The following AGTPBP1 variants were observed in gnomAD, a reference collection of about 807,000 sequenced individuals.
The protein encoded by AGTPBP1 is ATP/GTP binding carboxypeptidase 1, also known as cytosolic carboxypeptidase 1.
Under a neutral mutation model 143.9 loss-of-function variants are expected in AGTPBP1, and 70 were observed. The observed-to-expected ratio is 0.49, with a 90% CI of 0.40 to 0.59. AGTPBP1 has a LOEUF of 0.59. AGTPBP1 is among the 20% of genes least tolerant of loss of function. AGTPBP1 has a pLI of 0.00. For synonymous variants in AGTPBP1, 463 were observed against 500.2 expected, an observed-to-expected ratio of 0.93 and a Z score of 0.99; for missense variants, 1,229 against 1,464.5, an observed-to-expected ratio of 0.84 and a Z score of 2.62.
At chr9:85,725,441 G>C (rs948701486) in intron 1 of AGTPBP1, among the ~76,000 whole-genome samples, 1 of 152,198 alleles carries the variant, frequency 6.6e-6, no homozygotes, top group Non-Finnish European at 1.5e-5. Context: ...TTGAGATACA[G>C]TTGTCCTTGA....
intron 9 of AGTPBP1, among the ~76,000 whole-genome samples, chr9:85,659,527 A>T (rs908319370): frequency 6.6e-6 from 1 of 152,122 alleles, no homozygotes; most frequent in African/African-American, 2.4e-5. Flanking sequence ...TTGATGGAAT[A>T]AACATGTATG....
At chr9:85,745,573 C>T (rs1000549073), upstream of AGTPBP1, among the ~76,000 whole-genome samples, 13 of 152,162 alleles carry the variant, frequency 8.5e-5, no homozygotes, top group Non-Finnish European at 2.9e-5. Context: ...TAAATGAATG[C>T]GGCAAAACTG....
the AGTPBP1 span, among the ~76,000 whole-genome samples, chr9:85,800,923 C>T: frequency 1.3e-5 from 2 of 151,996 alleles, no homozygotes; most frequent in Admixed American, 1.3e-4. Flanking sequence ...TCCCAAGCTA[C>T]AGGTAATCTT....
chr9:85,754,915 A>G, the AGTPBP1 span, among the ~76,000 whole-genome samples: 1 of 151,514 alleles, frequency 6.6e-6, no homozygotes, highest in Non-Finnish European at 1.5e-5. Context: ...GAATGTTTGT[A>G]GAATATATTT....
In AGTPBP1 at chr9:85,575,399, A is replaced by G. The variant is rs779174808; in HGVS notation, c.3419T>C (p.Leu1140Pro). Reference sequence around the variant, plus strand: ...CAGATTATACTCCAATGGAGAGGTCAGTCTTTTCAAACGTAAAAGACCAAC... The same window carrying G: ...CAGATTATACTCCAATGGAGAGGTCGGTCTTTTCAAACGTAAAAGACCAAC... ...FCVGLLRLKR[L>P]TSPLEYNLPS... Residue 1140 changes from leucine to proline, a missense_variant, in exon 25 of 26, where the codon CTG becomes CCG. By Grantham distance (98) the Leu-to-Pro change is moderately conservative. This residue lies in a region of AGTPBP1 where 486 missense variants were observed against 652.3 expected (regional missense o/e 0.75). Coordinates refer to ENST00000357081, the MANE Select transcript of AGTPBP1 (RefSeq NM_001330701.2). 23 of 1,611,092 alleles carry G rather than the reference A, an allele frequency of 1.4e-5. No homozygotes were observed. The highest frequency in any genetic ancestry group is 2.0e-5 in the Non-Finnish European group (23 of 1,179,276).
At chr9:85,679,745 T>C (rs891592988) in intron 4 of AGTPBP1, among the ~76,000 whole-genome samples, 5 of 152,216 alleles carry the variant, frequency 3.3e-5, no homozygotes, top group Non-Finnish European at 7.3e-5. Flanking sequence ...AAAGAAATTA[T>C]GTAAGCCAAA....
At chr9:85,650,966 C>G (rs1025013394) in intron 11 of AGTPBP1, among the ~76,000 whole-genome samples, 3 of 152,186 alleles carry the variant, frequency 2.0e-5, no homozygotes, top group African/African-American at 7.2e-5. Context: ...TAAGGAATAA[C>G]ACATACATAT....
intron 1 of AGTPBP1, among the ~76,000 whole-genome samples, chr9:85,725,317 A>AT (rs201441836): frequency 6.6e-6 from 1 of 152,254 alleles, no homozygotes. Flanking sequence ...TAAAAAAAAA[A>AT]TTTTTTTAAC....
At chr9:85,695,945 G>A (rs1452012089) in intron 2 of AGTPBP1, among the ~76,000 whole-genome samples, 2 of 151,782 alleles carry the variant, frequency 1.3e-5, no homozygotes, top group Non-Finnish European at 2.9e-5. Flanking sequence ...AGGTTCAAGC[G>A]ATTCTCCTGC....
chr9:85,585,595 CT>C lies in AGTPBP1; in HGVS notation c.3034-2del. On this transcript the variant is annotated splice_acceptor_variant, in intron 22 of 25. Coordinates refer to ENST00000357081, the MANE Select transcript of AGTPBP1 (RefSeq NM_001330701.2). LOFTEE classifies it high-confidence loss of function. ...AATGGCCATGATAATCACAATAAAC[CT>C]TGAAAATATATATTTTAAAAATTAA... is the stretch of plus-strand genomic sequence containing the variant. 6.3e-7 allele frequency: 1 copy of C among 1,584,586 alleles called. No individual in the cohort carries two copies. The highest frequency in any genetic ancestry group is 8.6e-7 in the Non-Finnish European group (1 of 1,168,910).
intron 4 of AGTPBP1, among the ~76,000 whole-genome samples, chr9:85,679,109 C>G (rs1192201855): frequency 6.6e-6 from 1 of 152,150 alleles, no homozygotes; most frequent in Non-Finnish European, 1.5e-5. Flanking sequence ...TAAATGCCTA[C>G]AATTCCAAGG....
At chr9:85,579,659 G>C (rs10868326) in intron 23 of AGTPBP1, among the ~76,000 whole-genome samples, 27,752 of 150,122 alleles carry the variant, frequency 0.18, 3,324 homozygotes, top group East Asian at 0.51. Context: ...TATCAAACTA[G>C]CTCATAAATC....
chr9:85,795,373 T>C, the AGTPBP1 span, among the ~76,000 whole-genome samples: 1 of 152,218 alleles, frequency 6.6e-6, no homozygotes, highest in African/African-American at 2.4e-5. Flanking sequence ...AACTTCTGTG[T>C]GCTAGGTCTT....
At chr9:85,673,258 C>A (rs181573375) in intron 6 of AGTPBP1, among the ~76,000 whole-genome samples, 159 of 151,822 alleles carry the variant, frequency 1.0e-3, no homozygotes, top group Middle Eastern at 3.4e-3. Context: ...AGGATGGAGG[C>A]TAGAGTAGCC....
At chr9:85,627,407 CAT>C (rs1392036234) in intron 14 of AGTPBP1, among the ~76,000 whole-genome samples, 2 of 152,172 alleles carry the variant, frequency 1.3e-5, no homozygotes, top group Non-Finnish European at 2.9e-5. Flanking sequence ...CTGCCATACA[CAT>C]ATGTTCTTCC....
At chr9:85,742,162 G>T, upstream of AGTPBP1, 1 of 564,550 alleles carries the variant, frequency 1.8e-6, no homozygotes, top group African/African-American at 2.0e-5. Context: ...GGGAGCGCGC[G>T]CGTGGGGGCG....
intron 1 of AGTPBP1, among the ~76,000 whole-genome samples, chr9:85,724,720 T>C (rs1838360141): frequency 6.6e-6 from 1 of 152,198 alleles, no homozygotes; most frequent in South Asian, 2.1e-4. Flanking sequence ...AATTTAACAA[T>C]GTGTTATGCC....
chr9:85,756,973 G>A, the AGTPBP1 span, among the ~76,000 whole-genome samples: 1 of 150,286 alleles, frequency 6.7e-6, no homozygotes, highest in Non-Finnish European at 1.5e-5. Flanking sequence ...GAAATAGAAT[G>A]CCTACTAATA....
At chr9:85,604,154 C>A (rs1006673298) in intron 17 of AGTPBP1, among the ~76,000 whole-genome samples, 8 of 151,486 alleles carry the variant, frequency 5.3e-5, no homozygotes, top group African/African-American at 1.7e-4. Flanking sequence ...TTGCCATGGG[C>A]CTTGGGCAGG....
Sources: gnomAD v4.1 joint callset for allele counts (sites outside exome capture counted in the v4.1 genomes callset) on GRCh38, gnomAD v4.1.1 for gene constraint, gnomAD v4.1.1 regional missense constraint, MANE v1.5 for transcripts, NCBI Gene and HGNC (gene_info 2026-07-23, HGNC 2026-07-21) for gene names.